The following SLC37A3 variants were observed in gnomAD, a reference collection of about 807,000 sequenced individuals.
SLC37A3 encodes solute carrier family 37 member 3, also known as sugar phosphate exchanger 3.
SLC37A3 carries 51 observed loss-of-function variants against 67.1 expected under a neutral mutation model. That is an observed-to-expected ratio of 0.76 (90% CI 0.61 to 0.96). The LOEUF is 0.96. SLC37A3 is among the 40% of genes least tolerant of loss of function. The pLI is 0.00. For synonymous variants in SLC37A3, 214 were observed against 231.4 expected (o/e 0.92, Z 0.68); for missense variants, 508 against 603.0 (o/e 0.84, Z 1.65).
At chr7:140,375,469 C>T (rs1019237275) in intron 3 of SLC37A3, among the ~76,000 whole-genome samples, 17 of 93,578 alleles carry the variant, frequency 1.8e-4, no homozygotes, top group African/African-American at 4.5e-4. Flanking sequence ...AGCAAGACTC[C>T]GTCTCAAAAA....
intron 1 of SLC37A3, among the ~76,000 whole-genome samples, chr7:140,397,843 T>C (rs567214837): frequency 1.1e-4 from 16 of 152,224 alleles, no homozygotes; most frequent in African/African-American, 3.9e-4. Flanking sequence ...ATTCCCATTA[T>C]CTCCTGTCAA....
intron 14 of SLC37A3, 51 bp from the exon 15 acceptor site, chr7:140,335,555 G>C (rs756259002): frequency 1.3e-6 from 2 of 1,589,624 alleles, no homozygotes; most frequent in South Asian, 2.2e-5. Flanking sequence ...ACTTCTGTTA[G>C]AGTGTCATGT....
chr7:140,341,856 C>T (rs1369349291), intron 13 of SLC37A3, among the ~76,000 whole-genome samples: 2 of 152,172 alleles, frequency 1.3e-5, no homozygotes, highest in East Asian at 3.8e-4. Flanking sequence ...CCAATGCAGC[C>T]ACTCTCTACC....
At chr7:140,386,438 C>G (rs1354857192) in intron 1 of SLC37A3, among the ~76,000 whole-genome samples, 1 of 85,660 alleles carries the variant, frequency 1.2e-5, no homozygotes. Context: ...ACATTTGGTC[C>G]TATGCAATTA....
In SLC37A3 at chr7:140,378,739, A is replaced by C. The variant is rs1313998497; in HGVS notation, c.198+1543T>G. Among the ~76,000 whole-genome samples, 5 of 145,396 alleles carry C rather than the reference A, an allele frequency of 3.4e-5. No homozygotes were observed. The East Asian group carries it at 6.0e-4, about 18-fold the overall frequency. ...CGATAGAGCAAGACTCCATCTCACAAAAAAAAAAAAAAAGATTTATGATTC... is the reference window on the plus strand; with the variant it reads ...CGATAGAGCAAGACTCCATCTCACACAAAAAAAAAAAAAGATTTATGATTC... On this transcript the variant is annotated intron_variant, in intron 3 of 14. Coordinates refer to ENST00000326232, the MANE Select transcript of SLC37A3 (RefSeq NM_207113.3).
At position 140,358,738 on chromosome 7, in the gene SLC37A3, TTTG is replaced by T. The variant is rs746695679; in HGVS notation, c.420_422del (p.Asn140del). The T allele has an allele frequency of 6.2e-7, 1 of 1,614,130 alleles. No individual in the cohort carries two copies. The highest frequency in any genetic ancestry group is 2.2e-5 in the East Asian group (1 of 44,874). On this transcript the variant is annotated inframe_deletion, in exon 6 of 15. Coordinates refer to ENST00000326232, the MANE Select transcript of SLC37A3 (RefSeq NM_207113.3). ...CAATCCACAGGCAGCAGTACAGCCA[TTTG>T]TTGTAGAAACGCAGCCATTCTGTGA...
intron 6 of SLC37A3, 62 bp downstream of exon 6, chr7:140,358,578 C>A: frequency 1.2e-6 from 2 of 1,603,496 alleles, no homozygotes; most frequent in South Asian, 1.1e-5. Context: ...TTTGACAAGT[C>A]TGAAAAATCC....
At chr7:140,395,236 TGTG>T (rs1798872279) in intron 1 of SLC37A3, among the ~76,000 whole-genome samples, 2 of 150,414 alleles carry the variant, frequency 1.3e-5, no homozygotes, top group South Asian at 4.2e-4. Flanking sequence ...ATTAGCCAGG[TGTG>T]GTGGTGGGCA....
intron 2 of SLC37A3, among the ~76,000 whole-genome samples, chr7:140,382,236 C>G (rs2129818190): frequency 6.6e-6 from 1 of 152,140 alleles, no homozygotes; most frequent in South Asian, 2.1e-4. Context: ...ACCACCAAAA[C>G]TATCTTAGAC....
At position 140,340,292 on chromosome 7, in the gene SLC37A3, T is replaced by TC. The variant is rs201208826; in HGVS notation, c.1327-2944dup. 7.8e-3 allele frequency among the ~76,000 whole-genome samples: 1,088 copies of TC among 139,960 alleles called. 14 individuals carry two copies. The highest frequency in any genetic ancestry group is 0.027 in the African/African-American group (1,006 of 37,726). The allele number at this position is 139,960 out of a possible 152,430, so 91.8% of individuals were successfully genotyped here. A position where few individuals can be genotyped will look rare whatever the true frequency, so the allele number is the denominator to read the frequency against. ...AGGTAAGGTTAGGGTCCAACCTCAT[T>TC]CTTTTTTTTTTTTTTCTTTCCTCTC... On this transcript the variant is annotated intron_variant, in intron 13 of 14. Coordinates refer to ENST00000326232, the MANE Select transcript of SLC37A3 (RefSeq NM_207113.3).
At position 140,386,587 on chromosome 7, in the gene SLC37A3, C is replaced by T. The variant is rs1798461004; in HGVS notation, c.-70-3991G>A. Among the ~76,000 whole-genome samples, 6 of 152,006 alleles carry T rather than the reference C, an allele frequency of 3.9e-5. No homozygotes were observed. The South Asian group carries it at 8.3e-4, about 21-fold the overall frequency. The stretch of plus-strand genomic sequence containing the variant: ...TCAAGTCTGAGTCCATCAAGCACAT[C>T]CTACTTTTTGAAGAATACTCTCTTT... On this transcript the variant is annotated intron_variant, in intron 1 of 14. Transcript: ENST00000326232.
At chr7:140,342,545 T>C (rs1269385917) in intron 13 of SLC37A3, among the ~76,000 whole-genome samples, 3 of 152,180 alleles carry the variant, frequency 2.0e-5, no homozygotes, top group East Asian at 1.9e-4. Flanking sequence ...TTTTTATCCA[T>C]ACAGATGACT....
intron 3 of SLC37A3, among the ~76,000 whole-genome samples, chr7:140,374,647 C>T (rs1388288342): frequency 6.6e-6 from 1 of 152,112 alleles, no homozygotes; most frequent in African/African-American, 2.4e-5. Flanking sequence ...TCGAGACCAG[C>T]ATAGGCAACA....
chr7:140,364,287 C>T lies in SLC37A3; in HGVS notation c.375+121G>A, dbSNP rs1207643348. 4 of 907,964 alleles carry T rather than the reference C, an allele frequency of 4.4e-6. No homozygotes were observed. In the African/African-American group the frequency reaches 6.8e-5, roughly 15 times the overall value. 56.2% of individuals were successfully genotyped at this position (907,964 alleles called of 1,614,324 possible). On this transcript the variant is annotated intron_variant, in intron 5 of 14. Transcript: ENST00000326232. ...AAAAAGACTCATCTAAGTGAAAAGG[C>T]AAATGAGGGATTCGAACAATGAGGA...
At chr7:140,349,065 C>G (rs1363892936) in intron 9 of SLC37A3, among the ~76,000 whole-genome samples, 1 of 152,170 alleles carries the variant, frequency 6.6e-6, no homozygotes, top group Non-Finnish European at 1.5e-5. Flanking sequence ...TAGAAGCAAG[C>G]CAGTGTTTTG....
rs1491046105 is a variant in SLC37A3, at chr7:140,387,801, T to TTA, written c.-70-5207_-70-5206dup. Among the ~76,000 whole-genome samples, 120 of 63,368 alleles carry TTA rather than the reference T, an allele frequency of 1.9e-3. 1 individual carries two copies. The highest frequency in any genetic ancestry group is 2.4e-3 in the Non-Finnish European group (89 of 37,206). 41.6% of individuals were successfully genotyped at this position (63,368 alleles called of 152,430 possible). A position where few individuals can be genotyped will look rare whatever the true frequency, so the allele number is the denominator to read the frequency against. On this transcript the variant is annotated intron_variant, in intron 1 of 14. Transcript: ENST00000326232. ...CATAAATATAAATATATTATATATA[T>TTA]TATACATAAATATAAATATATTATA...
intron 11 of SLC37A3, among the ~76,000 whole-genome samples, 160 bp downstream of exon 11, chr7:140,345,709 A>G (rs1233531246): frequency 1.3e-5 from 2 of 152,188 alleles, no homozygotes; most frequent in Non-Finnish European, 2.9e-5. Context: ...ATGTGATGAC[A>G]GGTTTCCCAG....
intron 1 of SLC37A3, among the ~76,000 whole-genome samples, chr7:140,384,187 CTTT>C (rs1798360835): frequency 6.6e-6 from 1 of 152,060 alleles, no homozygotes; most frequent in Non-Finnish European, 1.5e-5. Flanking sequence ...GTCACGAAGA[CTTT>C]TTAATGACAT....
In SLC37A3 at chr7:140,351,331, A is replaced by T; in HGVS notation, c.824T>A (p.Val275Asp). 6.2e-7 allele frequency: 1 copy of T among 1,614,196 alleles called. No homozygotes were observed. Among genetic ancestry groups the T allele is most frequent in the Non-Finnish European group, 8.5e-7 (1 of 1,180,012 alleles). Residue 275 changes from valine (V) to aspartate (D), a missense_variant, in exon 9 of 15, where the codon GTT (valine) becomes GAT (aspartate). Physicochemically the swap from Val to Asp is radical, Grantham distance 152. Coordinates refer to ENST00000326232, the MANE Select transcript of SLC37A3 (RefSeq NM_207113.3). ...GAAGCTTATCGCCTTGACTTGGGCA[A>T]CAGAACTATCATCTTGGATTGAATA... ...PNYSIQDDSS[V>D]AQVKAISFYQ...
Sources: allele counts gnomAD v4.1 joint callset (sites outside exome capture counted in the v4.1 genomes callset), GRCh38; gene constraint gnomAD v4.1.1; transcripts MANE v1.5; gene names NCBI Gene and HGNC (gene_info 2026-07-23, HGNC 2026-07-21).